Variants in MYH9 observed in about 807,000 individuals in gnomAD.
The protein encoded by MYH9 is myosin heavy chain 9, also known as myosin-9.
Under a neutral mutation model 241.9 loss-of-function variants are expected in MYH9, and 29 were observed. That is an observed-to-expected ratio of 0.12 (90% CI 0.09 to 0.16). The LOEUF is 0.16. Among genes scored for constraint, MYH9 ranks in the 10% least tolerant of loss-of-function variants. The pLI, the probability that MYH9 is intolerant of heterozygous loss-of-function variation, is 1.00. For synonymous variants in MYH9, 1,047 were observed against 1,062.6 expected (o/e 0.99, Z 0.29); for missense variants, 1,803 against 2,595.5 (o/e 0.69, Z 6.63).
chr22:36,327,173 C>T (rs2017348700), intron 4 of MYH9, among the ~76,000 whole-genome samples: 1 of 152,180 alleles, frequency 6.6e-6, no homozygotes, highest in South Asian at 2.1e-4. Flanking sequence ...GGAGCTGGTT[C>T]CCAGCTGGAT....
chr22:36,355,776 T>G (rs2017846051), intron 1 of MYH9, among the ~76,000 whole-genome samples: 1 of 152,118 alleles, frequency 6.6e-6, no homozygotes, highest in South Asian at 2.1e-4. Flanking sequence ...AATGCCCTGC[T>G]CCGTTTCCCC....
chr22:36,368,447 T>G (rs1185275429), intron 1 of MYH9, among the ~76,000 whole-genome samples: 1 of 151,974 alleles, frequency 6.6e-6, no homozygotes, highest in Non-Finnish European at 1.5e-5. Flanking sequence ...CCTCTAGGGG[T>G]GCAATGAGAC....
At chr22:36,322,026 A>G (rs1165058225) in intron 6 of MYH9, 1 of 619,618 alleles carries the variant, frequency 1.6e-6, no homozygotes, top group Non-Finnish European at 2.9e-6. Context: ...ACACTGCCTA[A>G]GGCCATGAGC....
At position 36,284,389 on chromosome 22, in the gene MYH9, AC is replaced by A. The variant is rs763482833; in HGVS notation, c.5592+13del. The A allele has an allele frequency of 6.2e-6, 10 of 1,611,012 alleles. No individual in the cohort carries two copies. Among genetic ancestry groups the A allele is most frequent in the Middle Eastern group, 1.6e-4 (1 of 6,062 alleles). On this transcript the variant is annotated intron_variant, in intron 39 of 40. Coordinates refer to ENST00000216181, the MANE Select transcript of MYH9 (RefSeq NM_002473.6). ...GCCCCGCTGCCCTTCTCACTGCCCC[AC>A]CAGCGCCCACACCTGGTCCTTGTAC...
At chr22:36,299,739 T>C (rs1377722316) in intron 23 of MYH9, among the ~76,000 whole-genome samples, 3 of 152,296 alleles carry the variant, frequency 2.0e-5, no homozygotes, top group Admixed American at 1.3e-4. Context: ...TCAAGAGGAA[T>C]AGCTGCCGCC....
intron 1 of MYH9, among the ~76,000 whole-genome samples, chr22:36,368,841 G>GCGAAGCCTGCC (rs1183130416): frequency 1.3e-5 from 2 of 151,124 alleles, no homozygotes; most frequent in African/African-American, 4.9e-5. Flanking sequence ...GGAAGAGCCT[G>GCGAAGCCTGCC]CGAAGCCTGC....
intron 12 of MYH9, among the ~76,000 whole-genome samples, chr22:36,315,500 G>A (rs1196194906): frequency 1.3e-5 from 2 of 152,066 alleles, no homozygotes; most frequent in African/African-American, 4.8e-5. Context: ...TAAACAGGAA[G>A]CACCTGCCCA....
chr22:36,294,126 C>T lies in MYH9; in HGVS notation c.3803G>A (p.Arg1268His), dbSNP rs768022369. ...QVKFNEGERV[R>H]TELADKVTKL... is the part of the protein sequence containing the mutation. ...GGTGACCTTGTCGGCCAGCTCTGTG[C>T]GCACGCGCTCTCCCTCGTTGAACTT... The change falls in exon 28 of 41, where the codon CGC (arginine) becomes CAC (histidine). Residue 1268 changes from arginine to histidine, a missense_variant. Arg to His is a conservative substitution (Grantham distance 29, BLOSUM62 0). Around this residue, in one of 11 missense-constraint regions of MYH9, gnomAD observed 876 missense variants for 1,077.8 expected, o/e 0.81. Coordinates refer to ENST00000216181, the MANE Select transcript of MYH9 (RefSeq NM_002473.6). 7.4e-6 allele frequency: 12 copies of T among 1,611,006 alleles called. 1 individual carries two copies. The highest frequency in any genetic ancestry group is 3.3e-4 in the Middle Eastern group (2 of 6,062).
At chr22:36,318,909 G>A (rs530495949) in intron 10 of MYH9, among the ~76,000 whole-genome samples, 6 of 152,102 alleles carry the variant, frequency 3.9e-5, no homozygotes, top group South Asian at 2.1e-4. Context: ...GATTACAGGC[G>A]CACGCCACCA....
intron 31 of MYH9, among the ~76,000 whole-genome samples, chr22:36,291,044 C>G (rs377179293): frequency 0.03 from 4,567 of 150,672 alleles, 107 homozygotes; most frequent in East Asian, 0.096. Context: ...CCACCCCATC[C>G]GGGAGGGAGG....
chr22:36,370,469 C>T lies in MYH9; in HGVS notation c.-20+17338G>A, dbSNP rs560870617. On this transcript the variant is annotated intron_variant, in intron 1 of 40. Coordinates refer to ENST00000216181, the MANE Select transcript of MYH9 (RefSeq NM_002473.6). ...TCTAAAAGGGGAAGCAAGACCAGCA[C>T]ATAAGCCAGCACAGAGAATTGCTAA... Among the ~76,000 whole-genome samples the T allele has an allele frequency of 2.0e-5, 3 of 152,360 alleles. No individual in the cohort carries two copies. In the South Asian group the frequency reaches 6.2e-4, roughly 32 times the overall value.
At chr22:36,297,861 C>T (rs140798826) in intron 24 of MYH9, among the ~76,000 whole-genome samples, 83 of 152,306 alleles carry the variant, frequency 5.4e-4, no homozygotes, top group Admixed American at 3.0e-3. Context: ...CTAGGACTGC[C>T]GGATCGTTCT....
chr22:36,320,188 C>A lies in MYH9; in HGVS notation c.1012+32G>T. The A allele has an allele frequency of 6.2e-7, 1 of 1,613,888 alleles. No homozygotes were observed. The highest frequency in any genetic ancestry group is 1.1e-5 in the South Asian group (1 of 91,076). ...CGTGGGTACCAGCCTTCCTCTGCCC[C>A]ACACTCGACCATAGGAGGGCCAGCC... On this transcript the variant is annotated intron_variant, in intron 9 of 40. Transcript: ENST00000216181. The surrounding 1 kb of genome is among the most constrained non-coding windows in gnomAD (Gnocchi z 4.8).
At chr22:36,358,785 G>C (rs1165024749) in intron 1 of MYH9, among the ~76,000 whole-genome samples, 2 of 152,114 alleles carry the variant, frequency 1.3e-5, no homozygotes, top group Non-Finnish European at 2.9e-5. Flanking sequence ...ACTCCTTTCT[G>C]ATGACTCACA....
At chr22:36,338,569 C>T (rs900703958) in intron 3 of MYH9, among the ~76,000 whole-genome samples, 4 of 151,402 alleles carry the variant, frequency 2.6e-5, no homozygotes, top group African/African-American at 9.7e-5. Flanking sequence ...CCTATAATCC[C>T]AGCACTTTGG....
At chr22:36,287,985 C>T (rs997232609) in intron 34 of MYH9, among the ~76,000 whole-genome samples, 1 of 152,230 alleles carries the variant, frequency 6.6e-6, no homozygotes, top group Non-Finnish European at 1.5e-5. Context: ...TTGAACTCCA[C>T]CCATGTCTAG....
Position 36,354,284 on chromosome 22 carries a change from G to A in MYH9, c.-19-5029C>T, listed in dbSNP as rs535448407. Reference sequence around the variant, plus strand: ...GCCCTGAGAGAAAGTAACTCTACTCGGTCACACAAGCTGGGGAATGAGGAC... The same window carrying A: ...GCCCTGAGAGAAAGTAACTCTACTCAGTCACACAAGCTGGGGAATGAGGAC... On this transcript the variant is annotated intron_variant, in intron 1 of 40. Transcript: ENST00000216181. Among the ~76,000 whole-genome samples the A allele has an allele frequency of 1.1e-4, 16 of 151,926 alleles. No homozygotes were observed. The South Asian group carries it at 2.3e-3, about 22-fold the overall frequency.
chr22:36,378,384 C>T (rs561614699), intron 1 of MYH9, among the ~76,000 whole-genome samples: 6 of 152,148 alleles, frequency 3.9e-5, no homozygotes, highest in African/African-American at 7.2e-5. Context: ...AAAACTAAGG[C>T]GAGCAGCAGG....
intron 27 of MYH9, among the ~76,000 whole-genome samples, chr22:36,294,649 G>A (rs182525491): frequency 6.6e-6 from 1 of 152,254 alleles, no homozygotes; most frequent in Non-Finnish European, 1.5e-5. Context: ...AACTATAATT[G>A]TTTGCAGTTA....
Sources: gnomAD v4.1 joint callset for allele counts (sites outside exome capture counted in the v4.1 genomes callset) on GRCh38, gnomAD v4.1.1 for gene constraint, gnomAD v4.1.1 regional missense constraint, Gnocchi (gnomAD v3.1) non-coding constraint, MANE v1.5 for transcripts, NCBI Gene and HGNC (gene_info 2026-07-23, HGNC 2026-07-21) for gene names.